TRAF7: variants seen among roughly 807,000 people sequenced by gnomAD.
TRAF7 encodes TNF receptor associated factor 7.
TRAF7 carries 45 observed loss-of-function variants against 89.3 expected under a neutral mutation model. The ratio of observed to expected loss-of-function variants is 0.50; its 90% confidence interval spans 0.40 to 0.65. TRAF7 has a LOEUF of 0.65. Among genes scored for constraint, TRAF7 ranks in the 30% least tolerant of loss-of-function variants. The probability of loss-of-function intolerance (pLI) is 0.00; values close to 1 mark genes in which losing one functional copy is unlikely to be tolerated. For missense variants in TRAF7, 677 were observed against 918.1 expected, an observed-to-expected ratio of 0.74 and a Z score of 3.39; for synonymous variants, 406 against 369.2, an observed-to-expected ratio of 1.10 and a Z score of -1.14.
In TRAF7 at chr16:2,178,121, G is replaced by A. The variant is rs2093149109; in HGVS notation, c.*1547G>A. The A allele has an allele frequency of 2.0e-6, 1 of 506,830 alleles. No individual in the cohort carries two copies. Among genetic ancestry groups the A allele is most frequent in the Non-Finnish European group, 3.8e-6 (1 of 261,250 alleles). The allele number at this position is 506,830 out of a possible 1,614,324, so 31.4% of individuals were successfully genotyped here. On this transcript the variant is annotated 3_prime_UTR_variant, in exon 21 of 21. Transcript: ENST00000326181. The stretch of plus-strand genomic sequence containing the variant: ...TCATTCCCAATAAATTAATACTCTT[G>A]ATAGCTTATATTCTGGGGGTGCGGT...
chr16:2,163,734 A>G lies in TRAF7; in HGVS notation c.-38-149A>G. 4.8e-6 allele frequency: 3 copies of G among 628,060 alleles called. No homozygotes were observed. Among genetic ancestry groups the G allele is most frequent in the South Asian group, 3.7e-5 (2 of 54,688 alleles). 38.9% of individuals were successfully genotyped at this position (628,060 alleles called of 1,614,324 possible). ...GGGGTGAAGGACCTTTGCCTCCTAG[A>G]GGCCTGCCTGAGCCGGGGCTGGTGG... On this transcript the variant is annotated intron_variant, in intron 1 of 20. Coordinates refer to ENST00000326181, the MANE Select transcript of TRAF7 (RefSeq NM_032271.3). This position sits in a 1 kb window ranked among gnomAD's most constrained non-coding sequence, Gnocchi z 4.3.
At chr16:2,164,168 G>GCA (rs1649918225) in intron 2 of TRAF7, among the ~76,000 whole-genome samples, 167 bp downstream of exon 2, 3 of 114,816 alleles carry the variant, frequency 2.6e-5, no homozygotes, top group Admixed American at 2.4e-4. Context: ...GTGCGCGCGC[G>GCA]CGCGCGCGCG....
rs138752269 is a variant in TRAF7, at chr16:2,173,305, C to G, written c.918C>G (p.Ala306=). The change falls in exon 10 of 21, where the codon GCC becomes GCG. Residue 306 remains alanine, a synonymous_variant. Coordinates refer to ENST00000326181, the MANE Select transcript of TRAF7 (RefSeq NM_032271.3). ...DRFHEMHVAL[A]QKDQEIAFLR... is the part of the protein sequence containing the mutation. ...TCCACGAGATGCACGTGGCTCTGGC[C>G]CAGAAGGACCAGGAGATCGCCTTCC... 193 of 1,613,572 alleles carry G rather than the reference C, an allele frequency of 1.2e-4. No individual in the cohort carries two copies. The African/African-American group carries it at 2.4e-3, about 20-fold the overall frequency.
chr16:2,163,844 C>A lies in TRAF7; in HGVS notation c.-38-39C>A. On this transcript the variant is annotated intron_variant, in intron 1 of 20. Transcript: ENST00000326181. This position sits in a 1 kb window ranked among gnomAD's most constrained non-coding sequence, Gnocchi z 4.3. Reference sequence around the variant, plus strand: ...CCCGTCTGACTCACAGGGGCCTGGGCTCCATCTCTCAAGCCCCTCATTTGT... The same window carrying A: ...CCCGTCTGACTCACAGGGGCCTGGGATCCATCTCTCAAGCCCCTCATTTGT... 2 of 1,333,364 alleles carry A rather than the reference C, an allele frequency of 1.5e-6. No individual in the cohort carries two copies. Among genetic ancestry groups the A allele is most frequent in the Non-Finnish European group, 2.1e-6 (2 of 942,794 alleles). 82.6% of individuals were successfully genotyped at this position (1,333,364 alleles called of 1,614,324 possible). A position where few individuals can be genotyped will look rare whatever the true frequency, so the allele number is the denominator to read the frequency against.
In TRAF7 at chr16:2,172,613, G is replaced by A. The variant is rs771950181; in HGVS notation, c.794+14G>A. On this transcript the variant is annotated intron_variant, in intron 9 of 20. Transcript: ENST00000326181. Reference sequence around the variant, plus strand: ...CTCCAAGTACGGGTGAGTGGGGGGCGGGCGGGGGTGGGCCGGGGTGGGCGC... The same window carrying A: ...CTCCAAGTACGGGTGAGTGGGGGGCAGGCGGGGGTGGGCCGGGGTGGGCGC... 7.2e-5 allele frequency: 110 copies of A among 1,533,048 alleles called. 2 individuals are homozygous for A. The South Asian group carries it at 1.1e-3, about 16-fold the overall frequency. The allele number at this position is 1,533,048 out of a possible 1,614,324, so 95.0% of individuals were successfully genotyped here. A position where few individuals can be genotyped will look rare whatever the true frequency, so the allele number is the denominator to read the frequency against.
In TRAF7 at chr16:2,158,466, C is replaced by A. The variant is rs1203964890; in HGVS notation, c.-39+2608C>A. The stretch of plus-strand genomic sequence containing the variant: ...GAAACTCGGGGTGGAGGTGACCCAA[C>A]CCCAGAAGCACCCAGGTGGGAAGTA... On this transcript the variant is annotated intron_variant, in intron 1 of 20. Coordinates refer to ENST00000326181, the MANE Select transcript of TRAF7 (RefSeq NM_032271.3). The surrounding 1 kb of genome is among the most constrained non-coding windows in gnomAD (Gnocchi z 4.7). 1.3e-5 allele frequency among the ~76,000 whole-genome samples: 2 copies of A among 152,182 alleles called. No homozygotes were observed. Among genetic ancestry groups the A allele is most frequent in the Non-Finnish European group, 2.9e-5 (2 of 68,028 alleles).
chr16:2,171,141 C>T, intron 5 of TRAF7, 123 bp from the exon 6 acceptor site: 2 of 773,704 alleles, frequency 2.6e-6, no homozygotes, highest in East Asian at 2.7e-5. Flanking sequence ...GCAGGCCTCT[C>T]TCAGGACGTG....
chr16:2,167,360 A>G lies in TRAF7; in HGVS notation c.140-717A>G, dbSNP rs918095115. Reference sequence around the variant, plus strand: ...TCTCGAGCCCAGGGCTCATCGTGACATCTGAGCTGGGCTGGTCCTGAGTCC... The same window carrying G: ...TCTCGAGCCCAGGGCTCATCGTGACGTCTGAGCTGGGCTGGTCCTGAGTCC... On this transcript the variant is annotated intron_variant, in intron 3 of 20. Transcript: ENST00000326181. Among the ~76,000 whole-genome samples, 6 of 152,200 alleles carry G rather than the reference A, an allele frequency of 3.9e-5. 1 individual carries two copies. In the South Asian group the frequency reaches 1.0e-3, roughly 26 times the overall value.
In TRAF7 at chr16:2,164,065, G is replaced by A. The variant is rs1055817858; in HGVS notation, c.81+64G>A. On this transcript the variant is annotated intron_variant, in intron 2 of 20. Transcript: ENST00000326181. ...ACCCCCAGCATGCCCCAGGGATCTG[G>A]TGTTGCCTGCAGAGCTCCCAGCGCA... 6 of 1,472,514 alleles carry A rather than the reference G, an allele frequency of 4.1e-6. No individual in the cohort carries two copies. In the African/African-American group the frequency reaches 4.2e-5, roughly 10 times the overall value. The allele number at this position is 1,472,514 out of a possible 1,614,324, so 91.2% of individuals were successfully genotyped here. A position where few individuals can be genotyped will look rare whatever the true frequency, so the allele number is the denominator to read the frequency against.
chr16:2,164,779 G>A (rs369078655), intron 2 of TRAF7, among the ~76,000 whole-genome samples: 139 of 75,852 alleles, frequency 1.8e-3, no homozygotes, highest in East Asian at 7.6e-3. Context: ...ATGGTTAAGC[G>A]TGTTAGTGCT....
At position 2,159,302 on chromosome 16, in the gene TRAF7, G is replaced by A. The variant is rs918457945; in HGVS notation, c.-39+3444G>A. Reference sequence around the variant, plus strand: ...GCAGGGACAGGCAAGGGGGTTCGCCGTGCTAGGAGGGAAGCGGGGCCAAGC... The same window carrying A: ...GCAGGGACAGGCAAGGGGGTTCGCCATGCTAGGAGGGAAGCGGGGCCAAGC... On this transcript the variant is annotated intron_variant, in intron 1 of 20. Transcript: ENST00000326181. The surrounding 1 kb of genome is among the most constrained non-coding windows in gnomAD (Gnocchi z 6.5). 2.6e-5 allele frequency among the ~76,000 whole-genome samples: 4 copies of A among 152,104 alleles called. No homozygotes were observed. Among genetic ancestry groups the A allele is most frequent in the Admixed American group, 1.3e-4 (2 of 15,286 alleles).
At chr16:2,170,431 A>G (rs2093103888) in intron 4 of TRAF7, among the ~76,000 whole-genome samples, 183 bp from the exon 5 acceptor site, 1 of 152,144 alleles carries the variant, frequency 6.6e-6, no homozygotes, top group South Asian at 2.1e-4. Context: ...GCAGGCAGGG[A>G]CCTGGGTTGC....
chr16:2,170,551 T>TG (rs2093104602), intron 4 of TRAF7, 63 bp from the exon 5 acceptor site: 1 of 1,320,366 alleles, frequency 7.6e-7, no homozygotes, highest in Non-Finnish European at 1.1e-6. Context: ...GGCTGGGTCC[T>TG]GTCCTCCCCG....
intron 14 of TRAF7, among the ~76,000 whole-genome samples, chr16:2,174,783 G>A (rs536081391): frequency 2.6e-5 from 4 of 152,332 alleles, no homozygotes; most frequent in East Asian, 1.9e-4. Flanking sequence ...GCAAGTAAGC[G>A]TGTGCGTGAG....
At chr16:2,167,137 A>T (rs1246102477) in intron 3 of TRAF7, among the ~76,000 whole-genome samples, 1 of 151,080 alleles carries the variant, frequency 6.6e-6, no homozygotes, top group African/African-American at 2.4e-5. Flanking sequence ...CTTTTCATCT[A>T]CCCTTAGAAG....
intron 3 of TRAF7, 116 bp downstream of exon 3, chr16:2,166,052 G>A: frequency 7.6e-7 from 1 of 1,310,082 alleles, no homozygotes; most frequent in Non-Finnish European, 1.1e-6. Context: ...GCCAGTGCTG[G>A]GCGCGGGCAG....
intron 1 of TRAF7, among the ~76,000 whole-genome samples, chr16:2,156,418 A>T (rs946875570): frequency 3.5e-4 from 53 of 152,144 alleles, no homozygotes; most frequent in Admixed American, 2.8e-3. Context: ...CCCATCCCCC[A>T]TCTAGACAGA....
intron 2 of TRAF7, among the ~76,000 whole-genome samples, 167 bp downstream of exon 2, chr16:2,164,168 G>A (rs79125340): frequency 2.4e-4 from 28 of 114,836 alleles, no homozygotes; most frequent in East Asian, 1.2e-3. Context: ...GTGCGCGCGC[G>A]CGCGCGCGCG....
rs946553688 is a variant in TRAF7 at position 2,175,836 on chromosome 16, C to A, written c.1629C>A (p.Ile543=). The change falls in exon 18 of 21, where the codon ATC becomes ATA. Residue 543 remains isoleucine, a splice_region_variant and synonymous_variant. Coordinates refer to ENST00000326181, the MANE Select transcript of TRAF7 (RefSeq NM_032271.3). ...AACTGGCCCACGATTACTCATAGAT[C>A]TGGGACATCCGAACCCTTGACTGCA... ...LYSGSYQTIK[I]WDIRTLDCIH... The A allele has an allele frequency of 6.2e-7, 1 of 1,613,284 alleles. No homozygotes were observed. The highest frequency in any genetic ancestry group is 1.1e-5 in the South Asian group (1 of 91,086).
Sources: allele counts gnomAD v4.1 joint callset (sites outside exome capture counted in the v4.1 genomes callset), GRCh38; gene constraint gnomAD v4.1.1; non-coding constraint Gnocchi (gnomAD v3.1); transcripts MANE v1.5; gene names NCBI Gene and HGNC (gene_info 2026-07-23, HGNC 2026-07-21).